NT5C3B: variants seen among roughly 807,000 people sequenced by gnomAD.
NT5C3B encodes 5'-nucleotidase, cytosolic IIIB.
Under a neutral mutation model 32.5 loss-of-function variants are expected in NT5C3B, and 28 were observed. The observed-to-expected ratio is 0.86, with a 90% confidence interval of 0.64 to 1.18. The LOEUF is 1.18. Ranked by LOEUF, NT5C3B falls within the 50% of genes most tolerant of loss-of-function variation. The probability of loss-of-function intolerance (pLI) is 0.00; values close to 1 mark genes in which losing one functional copy is unlikely to be tolerated. For synonymous variants in NT5C3B, 138 were observed against 118.0 expected (o/e 1.17, Z -1.10); for missense variants, 317 against 322.0 (o/e 0.98, Z 0.12).
chr17:41,828,973 T>C (rs1555618655), intron 6 of NT5C3B, 21 bp from the exon 7 acceptor site: 1 of 1,597,026 alleles, frequency 6.3e-7, no homozygotes, highest in South Asian at 1.1e-5. Flanking sequence ...ATGGAGGAAT[T>C]CTGAAATGGC....
chr17:41,828,930 T>C lies in NT5C3B; in HGVS notation c.427A>G (p.Asn143Asp). 1 of 1,613,590 alleles carries C rather than the reference T, an allele frequency of 6.2e-7. No homozygotes were observed. The highest frequency in any genetic ancestry group is 8.5e-7 in the Non-Finnish European group (1 of 1,179,602). The change falls in exon 7 of 9, where the codon AAC becomes GAC. Residue 143 changes from asparagine to aspartate, a missense_variant. By Grantham distance (23) the Asn-to-Asp change is conservative. Coordinates refer to ENST00000435506, the MANE Select transcript of NT5C3B (RefSeq NM_052935.5). ...MLREGYKTFF[N>D]TLYHNNIPLF... is the part of the protein sequence containing the mutation. ...GGAATGTTGTTATGGTAGAGTGTGT[T>C]GAAGAAGGTCTTATATCCCTCCCTG...
At position 41,835,908 on chromosome 17, in the gene NT5C3B, A is replaced by C; in HGVS notation, c.62T>G (p.Val21Gly). The C allele has an allele frequency of 6.2e-7, 1 of 1,607,446 alleles. No homozygotes were observed. Among genetic ancestry groups the C allele is most frequent in the Non-Finnish European group, 8.5e-7 (1 of 1,177,946 alleles). The change falls in exon 2 of 9, where the codon GTG (valine) becomes GGG (glycine). Residue 21 changes from valine to glycine, a missense_variant. Val to Gly is a moderately radical substitution (Grantham distance 109). Coordinates refer to ENST00000435506, the MANE Select transcript of NT5C3B (RefSeq NM_052935.5). ...GCGGAGGGCGCCCACGATCTCCTGC[A>C]CCCGCCCAGGCTGCCGCATCAGGAC... The part of the protein sequence containing the change: ...ATVLMRQPGR[V>G]QEIVGALRKG...
intron 6 of NT5C3B, 84 bp from the exon 7 acceptor site, chr17:41,829,036 TTG>T: frequency 7.9e-7 from 1 of 1,263,518 alleles, no homozygotes; most frequent in Non-Finnish European, 1.1e-6. Flanking sequence ...TTTGGGTTTT[TTG>T]TGAGACAGGG....
Position 41,835,091 on chromosome 17 carries a change from G to A in NT5C3B, c.207C>T (p.Ile69=), listed in dbSNP as rs1295833474. 6.2e-7 allele frequency: 1 copy of A among 1,614,000 alleles called. No homozygotes were observed. Among genetic ancestry groups the A allele is most frequent in the Admixed American group, 1.7e-5 (1 of 59,994 alleles). Residue 69 remains isoleucine, a synonymous_variant, in exon 4 of 9, where the codon ATC becomes ATT. Coordinates refer to ENST00000435506, the MANE Select transcript of NT5C3B (RefSeq NM_052935.5). The stretch of plus-strand genomic sequence containing the variant: ...CCACCTCTTTCCGACACTCCTCACT[G>A]ATGATCTTGCTATTATCCAGAATAT... The part of the protein sequence containing the change: ...SYNILDNSKI[I]SEECRKELTA...
At chr17:41,834,470 G>T (rs1163597832) in intron 4 of NT5C3B, among the ~76,000 whole-genome samples, 1 of 151,570 alleles carries the variant, frequency 6.6e-6, no homozygotes, top group Non-Finnish European at 1.5e-5. Context: ...AAAAGGCCAG[G>T]TGTGGTAGCT....
chr17:41,826,202 C>G (rs1247251589), intron 8 of NT5C3B, among the ~76,000 whole-genome samples: 1 of 117,854 alleles, frequency 8.5e-6, no homozygotes, highest in Non-Finnish European at 1.8e-5. Context: ...TCTAATCCAT[C>G]TGGACTGAAT....
chr17:41,833,017 T>C (rs2048078164), intron 4 of NT5C3B, among the ~76,000 whole-genome samples: 1 of 152,212 alleles, frequency 6.6e-6, no homozygotes, highest in African/African-American at 2.4e-5. Flanking sequence ...ACTCACATTT[T>C]TACCCATTTG....
chr17:41,830,101 C>T (rs1555618793), intron 6 of NT5C3B, among the ~76,000 whole-genome samples: 1 of 152,182 alleles, frequency 6.6e-6, no homozygotes, highest in African/African-American at 2.4e-5. Flanking sequence ...CCAGCAGAGA[C>T]AGCTGTTCAG....
In NT5C3B at chr17:41,828,904, G is replaced by C; in HGVS notation, c.453C>G (p.Pro151=). The part of the protein sequence containing the change: ...FFNTLYHNNI[P]LFIFSAGIGD... ...CAATGCCCGCAGAAAAGATGAAAAGGGGAATGTTGTTATGGTAGAGTGTGT... is the reference window on the plus strand; with the variant it reads ...CAATGCCCGCAGAAAAGATGAAAAGCGGAATGTTGTTATGGTAGAGTGTGT... Residue 151 remains proline (P), a synonymous_variant, in exon 7 of 9, where the codon CCC becomes CCG. Coordinates refer to ENST00000435506, the MANE Select transcript of NT5C3B (RefSeq NM_052935.5). 1 of 1,614,030 alleles carries C rather than the reference G, an allele frequency of 6.2e-7. No homozygotes were observed. The highest frequency in any genetic ancestry group is 8.5e-7 in the Non-Finnish European group (1 of 1,179,860).
chr17:41,825,116 C>T lies in NT5C3B; in HGVS notation c.*407G>A, dbSNP rs1317291867. 6.1e-6 allele frequency: 1 copy of T among 162,806 alleles called. No homozygotes were observed. The highest frequency in any genetic ancestry group is 2.4e-5 in the African/African-American group (1 of 41,774). 10.1% of individuals were successfully genotyped at this position (162,806 alleles called of 1,614,324 possible). On this transcript the variant is annotated 3_prime_UTR_variant, in exon 9 of 9. Transcript: ENST00000435506. ...TCAAACTGTGTTCCTAGAAGCATCC[C>T]ATGTGCCCCCAGGGCCAAGAGGTCC...
In NT5C3B at chr17:41,835,496, G is replaced by A. The variant is rs2048133257; in HGVS notation, c.112-224C>T. ...GCAGTCTCCTAGTGTGGGGGCAAGG[G>A]TGAATACTCAGGACCCCTCTGACTC... On this transcript the variant is annotated intron_variant, in intron 2 of 8. Transcript: ENST00000435506. The A allele has an allele frequency of 4.5e-6, 3 of 662,556 alleles. No homozygotes were observed. The East Asian group carries it at 8.2e-5, about 18-fold the overall frequency. The allele number at this position is 662,556 out of a possible 1,614,324, so 41.0% of individuals were successfully genotyped here.
chr17:41,831,930 C>T (rs1461348928), intron 5 of NT5C3B, among the ~76,000 whole-genome samples: 2 of 152,094 alleles, frequency 1.3e-5, no homozygotes, highest in Non-Finnish European at 2.9e-5. Flanking sequence ...GTGGCACGTG[C>T]CCGTAGTACC....
intron 4 of NT5C3B, chr17:41,832,798 G>T: frequency 5.0e-6 from 1 of 199,632 alleles, no homozygotes. Context: ...AACCCAGGAG[G>T]CGGAGGTTGC....
At chr17:41,829,571 C>T (rs2048019503) in intron 6 of NT5C3B, among the ~76,000 whole-genome samples, 1 of 152,178 alleles carries the variant, frequency 6.6e-6, no homozygotes, top group African/African-American at 2.4e-5. Flanking sequence ...TAGACTCATA[C>T]ACAATGTACT....
chr17:41,833,323 T>C (rs1348437666), intron 4 of NT5C3B, among the ~76,000 whole-genome samples: 2 of 9,278 alleles, frequency 2.2e-4, no homozygotes, highest in Non-Finnish European at 4.5e-4. Context: ...CATGTACAAT[T>C]TTTTTTTTTT....
At chr17:41,826,976 CG>C (rs781814696) in intron 8 of NT5C3B, among the ~76,000 whole-genome samples, 25 of 135,192 alleles carry the variant, frequency 1.8e-4, no homozygotes, top group Non-Finnish European at 2.8e-4. Flanking sequence ...CTGTAGCCTG[CG>C]GAACAGAGTG....
intron 4 of NT5C3B, chr17:41,832,782 C>T (rs1221324719): frequency 9.6e-6 from 2 of 207,648 alleles, no homozygotes; most frequent in South Asian, 7.6e-5. Flanking sequence ...AAATGAGAAT[C>T]GTTTGAACCC....
chr17:41,834,533 G>A (rs1567863825), intron 4 of NT5C3B, among the ~76,000 whole-genome samples: 2 of 152,086 alleles, frequency 1.3e-5, no homozygotes. Context: ...GATTGCTTGA[G>A]CTCAGGAGTT....
chr17:41,832,442 C>T lies in NT5C3B; in HGVS notation c.264G>A (p.Glu88=), dbSNP rs142316331. The change falls in exon 5 of 9, where the codon GAG becomes GAA. Residue 88 remains glutamate, a synonymous_variant. Coordinates refer to ENST00000435506, the MANE Select transcript of NT5C3B (RefSeq NM_052935.5). ...CCTTGACGGTCCGGTGTGGGTCGAT[C>T]TCAATTGGGTAATAGTGGTGAAGGA... ...TALLHHYYPI[E]IDPHRTVKEK... 2.0e-5 allele frequency: 33 copies of T among 1,613,686 alleles called. No homozygotes were observed. Among genetic ancestry groups the T allele is most frequent in the Non-Finnish European group, 2.5e-6 (3 of 1,179,836 alleles).
Sources: gnomAD v4.1 joint callset for allele counts (sites outside exome capture counted in the v4.1 genomes callset) on GRCh38, gnomAD v4.1.1 for gene constraint, MANE v1.5 for transcripts, NCBI Gene and HGNC (gene_info 2026-07-23, HGNC 2026-07-21) for gene names.